The following FAXC variants were observed in gnomAD, a reference collection of about 807,000 sequenced individuals.
The protein encoded by FAXC is failed axon connections homolog.
FAXC carries 10 observed loss-of-function variants against 41.9 expected under a neutral mutation model. The ratio of observed to expected loss-of-function variants is 0.24; its 90% CI spans 0.15 to 0.41. FAXC has a LOEUF of 0.41. Among genes scored for constraint, FAXC ranks in the 10% least tolerant of loss-of-function variants. The pLI is 1.00. For missense variants in FAXC, 399 were observed against 510.9 expected (o/e 0.78, Z 2.11); for synonymous variants, 183 against 183.8 (o/e 1.00, Z 0.03).
At chr6:99,293,458 C>A (rs907104145) in intron 4 of FAXC, among the ~76,000 whole-genome samples, 2 of 152,216 alleles carry the variant, frequency 1.3e-5, no homozygotes, top group African/African-American at 2.4e-5. Flanking sequence ...GCAACAGGAG[C>A]TTTCAGTTCA....
chr6:99,322,938 A>C (rs1772644518), intron 4 of FAXC, among the ~76,000 whole-genome samples: 1 of 152,250 alleles, frequency 6.6e-6, no homozygotes, highest in Non-Finnish European at 1.5e-5. Flanking sequence ...AGGACTAAGA[A>C]TATGACCAGG....
chr6:99,301,333 G>A (rs1771697692), intron 4 of FAXC, among the ~76,000 whole-genome samples: 1 of 152,180 alleles, frequency 6.6e-6, no homozygotes, highest in African/African-American at 2.4e-5. Flanking sequence ...CTCTGTGGGA[G>A]ACCACGTTAC....
intron 4 of FAXC, among the ~76,000 whole-genome samples, chr6:99,292,368 AAG>A (rs1771280071): frequency 1.3e-5 from 2 of 152,200 alleles, no homozygotes; most frequent in South Asian, 4.1e-4. Context: ...GGAAAACAAT[AAG>A]TAAAGAGTAG....
At chr6:99,307,336 A>G (rs1269484164) in intron 4 of FAXC, among the ~76,000 whole-genome samples, 1 of 152,166 alleles carries the variant, frequency 6.6e-6, no homozygotes, top group Non-Finnish European at 1.5e-5. Context: ...ACTTAAAGAG[A>G]TAAGAGTTAA....
In FAXC at chr6:99,326,297, G is replaced by A. The variant is rs1389786278; in HGVS notation, c.600-2630C>T. Among the ~76,000 whole-genome samples the A allele has an allele frequency of 3.3e-5, 5 of 152,190 alleles. No individual in the cohort carries two copies. The East Asian group carries it at 7.7e-4, about 23-fold the overall frequency. ...GGCAAGAGATGATGCACTGGGTGAG[G>A]CAAAGGCAGAAGGAATCCATAGGAG... On this transcript the variant is annotated intron_variant, in intron 3 of 5. Coordinates refer to ENST00000389677, the MANE Select transcript of FAXC (RefSeq NM_032511.4).
chr6:99,302,771 G>C (rs762892697), intron 4 of FAXC, among the ~76,000 whole-genome samples: 25 of 152,132 alleles, frequency 1.6e-4, no homozygotes, highest in Non-Finnish European at 3.7e-4. Flanking sequence ...GATCCATTTT[G>C]GGGGCTGCCT....
chr6:99,305,117 T>C (rs1771867470), intron 4 of FAXC, among the ~76,000 whole-genome samples: 1 of 152,094 alleles, frequency 6.6e-6, no homozygotes, highest in South Asian at 2.1e-4. Flanking sequence ...AGGTTGGAGA[T>C]GTGAGAATTC....
chr6:99,297,969 T>TA (rs1222155572), intron 4 of FAXC, among the ~76,000 whole-genome samples: 1 of 152,180 alleles, frequency 6.6e-6, no homozygotes, highest in African/African-American at 2.4e-5. Flanking sequence ...ACCTGAGTGT[T>TA]AGTTAGACAT....
rs1206110228 is a variant in FAXC, at chr6:99,291,815, T to C, written c.829A>G (p.Lys277Glu). ...MRSLAGLLGD[K>E]KYIMGPKLST... is the part of the protein sequence containing the mutation. Reference sequence around the variant, plus strand: ...AGCTTGGGCCCCATGATGTACTTCTTATCACCTGCAGTAAATAAAGCAGAG... The same window carrying C: ...AGCTTGGGCCCCATGATGTACTTCTCATCACCTGCAGTAAATAAAGCAGAG... Residue 277 changes from lysine to glutamate, a missense_variant, in exon 5 of 6, where the codon AAG (lysine) becomes GAG (glutamate). Coordinates refer to ENST00000389677, the MANE Select transcript of FAXC (RefSeq NM_032511.4). The C allele has an allele frequency of 6.2e-7, 1 of 1,612,666 alleles. No individual in the cohort carries two copies. Among genetic ancestry groups the C allele is most frequent in the Admixed American group, 1.7e-5 (1 of 60,024 alleles).
intron 4 of FAXC, among the ~76,000 whole-genome samples, chr6:99,303,334 G>A (rs1406099542): frequency 6.6e-6 from 1 of 152,182 alleles, no homozygotes; most frequent in African/African-American, 2.4e-5. Flanking sequence ...TAGGTGTTCA[G>A]TAAATATACT....
rs1329485106 is a variant in FAXC, at chr6:99,273,351, T to G, written c.*7813A>C. 3 of 151,992 alleles carry G rather than the reference T, an allele frequency of 2.0e-5. No individual in the cohort carries two copies. The highest frequency in any genetic ancestry group is 7.3e-5 in the African/African-American group (3 of 41,342). The allele number at this position is 151,992 out of a possible 1,614,324, so 9.4% of individuals were successfully genotyped here. On this transcript the variant is annotated 3_prime_UTR_variant, in exon 6 of 6. Transcript: ENST00000389677. Reference sequence around the variant, plus strand: ...TTATAAACAAATAGAAAAAAAGACATGTAATCAGTGAGATGATGAATTATC... The same window carrying G: ...TTATAAACAAATAGAAAAAAAGACAGGTAATCAGTGAGATGATGAATTATC...
chr6:99,292,644 C>A (rs147762094), intron 4 of FAXC, among the ~76,000 whole-genome samples: 1 of 152,232 alleles, frequency 6.6e-6, no homozygotes, highest in Admixed American at 6.5e-5. Flanking sequence ...CTGATCATCA[C>A]GTAACCTCTA....
intron 5 of FAXC, among the ~76,000 whole-genome samples, chr6:99,287,136 A>G (rs721150): frequency 0.53 from 81,200 of 151,996 alleles, 22,336 homozygotes; most frequent in African/African-American, 0.65. Context: ...AAATTACCAT[A>G]TAGCCATAGG....
At position 99,273,740 on chromosome 6, in the gene FAXC, T is replaced by G. The variant is rs1013279289; in HGVS notation, c.*7424A>C. 6.6e-6 allele frequency: 1 copy of G among 152,064 alleles called. No homozygotes were observed. Among genetic ancestry groups the G allele is most frequent in the Non-Finnish European group, 1.5e-5 (1 of 68,036 alleles). 9.4% of individuals were successfully genotyped at this position (152,064 alleles called of 1,614,324 possible). A position where few individuals can be genotyped will look rare whatever the true frequency, so the allele number is the denominator to read the frequency against. ...CATTCTCTAATCAATTACAGGCATCTGGGTGCTACGCCTAAAGACTCCTTG... is the reference window on the plus strand; with the variant it reads ...CATTCTCTAATCAATTACAGGCATCGGGGTGCTACGCCTAAAGACTCCTTG... On this transcript the variant is annotated 3_prime_UTR_variant, in exon 6 of 6. Coordinates refer to ENST00000389677, the MANE Select transcript of FAXC (RefSeq NM_032511.4).
intron 5 of FAXC, among the ~76,000 whole-genome samples, chr6:99,282,584 C>T (rs1770880151): frequency 6.6e-6 from 1 of 152,162 alleles, no homozygotes; most frequent in South Asian, 2.1e-4. Flanking sequence ...TTGTCTGAAA[C>T]ATGCCACTCT....
At chr6:99,315,224 C>T (rs1485020726) in intron 4 of FAXC, among the ~76,000 whole-genome samples, 2 of 107,966 alleles carry the variant, frequency 1.9e-5, no homozygotes, top group Non-Finnish European at 3.4e-5. Flanking sequence ...CTGAGCAACA[C>T]TCCATCTTAA....
chr6:99,302,585 G>A (rs1021990684), intron 4 of FAXC, among the ~76,000 whole-genome samples: 1 of 152,142 alleles, frequency 6.6e-6, no homozygotes. Flanking sequence ...GAACCCAGGA[G>A]GCAGAAGTTG....
At chr6:99,336,302 G>A (rs992995916) in intron 2 of FAXC, among the ~76,000 whole-genome samples, 5 of 151,486 alleles carry the variant, frequency 3.3e-5, no homozygotes, top group Admixed American at 6.6e-5. Context: ...ACAAAATTGA[G>A]ACAGGGTCTC....
intron 2 of FAXC, among the ~76,000 whole-genome samples, chr6:99,338,030 C>G (rs1773278142): frequency 6.6e-6 from 1 of 152,152 alleles, no homozygotes; most frequent in African/African-American, 2.4e-5. Context: ...CCCAGCACTC[C>G]CCAGACACCC....
Sources: gnomAD v4.1 joint callset for allele counts (sites outside exome capture counted in the v4.1 genomes callset) on GRCh38, gnomAD v4.1.1 for gene constraint, MANE v1.5 for transcripts, NCBI Gene and HGNC (gene_info 2026-07-23, HGNC 2026-07-21) for gene names.